The following HPSE2 variants were observed in gnomAD, a reference collection of about 807,000 sequenced individuals.
HPSE2 encodes the protein inactive heparanase-2.
HPSE2 carries 38 observed loss-of-function variants against 60.5 expected under a neutral mutation model. The observed-to-expected ratio is 0.63, with a 90% CI of 0.48 to 0.82. The LOEUF (loss-of-function observed/expected upper bound fraction) is 0.82, where lower values mean the gene tolerates loss of function less well. HPSE2 is among the 40% of genes least tolerant of loss of function. The probability of loss-of-function intolerance (pLI) is 0.00; values close to 1 mark genes in which losing one functional copy is unlikely to be tolerated. For synonymous variants in HPSE2, 295 were observed against 293.2 expected (o/e 1.01, Z -0.06); for missense variants, 713 against 740.4 (o/e 0.96, Z 0.43).
intron 9 of HPSE2, among the ~76,000 whole-genome samples, chr10:98,522,781 G>A (rs543040423): frequency 5.9e-5 from 9 of 152,252 alleles, no homozygotes; most frequent in East Asian, 1.9e-4. Flanking sequence ...TCCCGCCTTC[G>A]TCAGCGAATC....
intron 9 of HPSE2, among the ~76,000 whole-genome samples, chr10:98,572,913 C>T (rs1335598582): frequency 3.9e-5 from 6 of 152,170 alleles, no homozygotes. Context: ...ACTGTGTGCC[C>T]AGCACCCTGC....
chr10:98,462,959 C>CTTTTTTTTTTTTT (rs56061368), intron 11 of HPSE2, among the ~76,000 whole-genome samples: 1 of 146,594 alleles, frequency 6.8e-6, no homozygotes, highest in Non-Finnish European at 1.5e-5. Flanking sequence ...CTTATCTCTG[C>CTTTTTTTTTTTTT]TTTTTTTTTT....
chr10:99,152,814 G>C (rs1203333157), intron 2 of HPSE2, among the ~76,000 whole-genome samples: 1 of 152,216 alleles, frequency 6.6e-6, no homozygotes, highest in Non-Finnish European at 1.5e-5. Flanking sequence ...GAAGACGGGT[G>C]ATTTCTGCAT....
chr10:98,522,402 G>A (rs1163251246), intron 9 of HPSE2, among the ~76,000 whole-genome samples: 1 of 152,144 alleles, frequency 6.6e-6, no homozygotes, highest in Admixed American at 6.5e-5. Context: ...AGCAAAGTGT[G>A]AGGCAGTTCC....
intron 9 of HPSE2, among the ~76,000 whole-genome samples, chr10:98,601,740 C>T (rs1945432428): frequency 6.6e-6 from 1 of 152,156 alleles, no homozygotes; most frequent in East Asian, 1.9e-4. Flanking sequence ...GCCTGAACTC[C>T]TCAGCTGCAG....
chr10:98,610,372 T>A (rs1289265255), intron 9 of HPSE2, among the ~76,000 whole-genome samples: 1 of 151,966 alleles, frequency 6.6e-6, no homozygotes, highest in East Asian at 1.9e-4. Context: ...CCAGTAAGAG[T>A]TAGAGTTTCC....
At chr10:98,753,169 T>A (rs1302847998) in intron 3 of HPSE2, among the ~76,000 whole-genome samples, 3 of 152,182 alleles carry the variant, frequency 2.0e-5, no homozygotes, top group Non-Finnish European at 4.4e-5. Flanking sequence ...ATACATTGTA[T>A]TCTGTAAAAA....
chr10:98,501,088 A>C (rs1274642964), intron 9 of HPSE2, among the ~76,000 whole-genome samples: 1 of 152,094 alleles, frequency 6.6e-6, no homozygotes, highest in Admixed American at 6.5e-5. Flanking sequence ...CCAAGACTAC[A>C]CGGATTCACA....
At chr10:99,129,918 T>C (rs1845315784) in intron 3 of HPSE2, among the ~76,000 whole-genome samples, 1 of 151,596 alleles carries the variant, frequency 6.6e-6, no homozygotes, top group Non-Finnish European at 1.5e-5. Flanking sequence ...AAGATCCTAA[T>C]AAGCTCAATT....
chr10:98,756,214 A>G (rs1020981807), intron 3 of HPSE2, among the ~76,000 whole-genome samples: 6 of 152,130 alleles, frequency 3.9e-5, no homozygotes, highest in African/African-American at 1.4e-4. Flanking sequence ...CACCCACATG[A>G]AAAAGGTAGA....
intron 9 of HPSE2, among the ~76,000 whole-genome samples, chr10:98,580,382 T>G (rs1394208411): frequency 1.3e-5 from 2 of 149,794 alleles, no homozygotes; most frequent in African/African-American, 4.9e-5. Flanking sequence ...CCACATCTAC[T>G]AGTGAAATAG....
chr10:98,674,000 T>C (rs1947572551), intron 6 of HPSE2, among the ~76,000 whole-genome samples: 1 of 152,162 alleles, frequency 6.6e-6, no homozygotes, highest in Admixed American at 6.6e-5. Context: ...ACTCAGTAGG[T>C]CCAGATTGGG....
In HPSE2 at chr10:98,482,672, A is replaced by T. The variant is rs1242224925; in HGVS notation, c.1577T>A (p.Leu526Gln). 1 of 1,614,218 alleles carries T rather than the reference A, an allele frequency of 6.2e-7. No homozygotes were observed. Among genetic ancestry groups the T allele is most frequent in the African/African-American group, 1.3e-5 (1 of 75,068 alleles). The change falls in exon 11 of 12, where the codon CTG becomes CAG. Residue 526 changes from leucine to glutamine, a missense_variant. Coordinates refer to ENST00000370552, the MANE Select transcript of HPSE2 (RefSeq NM_021828.5). ...TLRDKLVHQY[L>Q]LQPYGQEGLK... ...GCCCTCCTGCCCATAGGGCTGCAGCAGGTACTGGTGAACCAGCTTGTCTCT... is the reference window on the plus strand; with the variant it reads ...GCCCTCCTGCCCATAGGGCTGCAGCTGGTACTGGTGAACCAGCTTGTCTCT...
At chr10:98,779,045 G>C (rs567127994) in intron 3 of HPSE2, among the ~76,000 whole-genome samples, 1 of 152,040 alleles carries the variant, frequency 6.6e-6, no homozygotes, top group Non-Finnish European at 1.5e-5. Context: ...ATAACATGTT[G>C]AAAAAGACAT....
chr10:99,184,803 TATATATATATATATATAGAGAGAGAG>T lies in HPSE2; in HGVS notation c.449-40430_449-40405del, dbSNP rs1847918665. ...ATCCAAAATTATATATATATATATA[TATATATATATATATATAGAGAGAGAG>T]AGAGAGAGAGAGAGAGAGAGAGAGA... On this transcript the variant is annotated intron_variant, in intron 2 of 11. Transcript: ENST00000370552. Among the ~76,000 whole-genome samples, 8 of 33,878 alleles carry T rather than the reference TATATATATATATATATAGAGAGAGAG, an allele frequency of 2.4e-4. No individual in the cohort carries two copies. The South Asian group carries it at 0.012, about 50-fold the overall frequency. The allele number at this position is 33,878 out of a possible 152,430, so 22.2% of individuals were successfully genotyped here.
At chr10:99,150,422 A>T (rs894484778) in intron 2 of HPSE2, among the ~76,000 whole-genome samples, 6 of 152,164 alleles carry the variant, frequency 3.9e-5, no homozygotes, top group Non-Finnish European at 5.9e-5. Context: ...AGGCTCAAGC[A>T]ATCCTCCCAC....
intron 9 of HPSE2, among the ~76,000 whole-genome samples, chr10:98,585,276 CTT>C (rs35472307): frequency 2.1e-5 from 3 of 144,134 alleles, no homozygotes; most frequent in Non-Finnish European, 1.5e-5. Flanking sequence ...AAAGTAGTGT[CTT>C]TTTTTTTTTT....
intron 2 of HPSE2, among the ~76,000 whole-genome samples, chr10:99,193,377 A>G (rs1257627101): frequency 1.3e-5 from 2 of 152,270 alleles, no homozygotes; most frequent in South Asian, 2.1e-4. Flanking sequence ...AGAGAAGACT[A>G]CAAGACAAGT....
At chr10:99,283,853 A>T in the HPSE2 span, among the ~76,000 whole-genome samples, 2 of 152,226 alleles carry the variant, frequency 1.3e-5, no homozygotes, top group Non-Finnish European at 2.9e-5. Flanking sequence ...AGATTGAAAC[A>T]GTAATCAAAA....
Sources: allele counts gnomAD v4.1 joint callset (sites outside exome capture counted in the v4.1 genomes callset), GRCh38; gene constraint gnomAD v4.1.1; transcripts MANE v1.5; gene names NCBI Gene and HGNC (gene_info 2026-07-23, HGNC 2026-07-21).